Variants in SPATA6 observed in about 807,000 individuals in gnomAD.
SPATA6 encodes spermatogenesis-associated protein 6.
A neutral mutation model predicts 65.3 loss-of-function variants in SPATA6; 56 were observed. The observed-to-expected ratio is 0.86, with a 90% confidence interval of 0.69 to 1.07. SPATA6 has a LOEUF of 1.07. Among genes scored for constraint, SPATA6 ranks in the 50% least tolerant of loss-of-function variants. The pLI is 0.00. For missense variants in SPATA6, 590 were observed against 594.8 expected (o/e 0.99, Z 0.08); for synonymous variants, 199 against 213.2 (o/e 0.93, Z 0.58).
At chr1:48,428,922 T>C (rs939919206) in intron 3 of SPATA6, among the ~76,000 whole-genome samples, 4 of 151,740 alleles carry the variant, frequency 2.6e-5, no homozygotes, top group Non-Finnish European at 4.4e-5. Context: ...ATCTATTTAA[T>C]AGATCTATTT....
chr1:48,353,236 A>G (rs1646562208), intron 11 of SPATA6, among the ~76,000 whole-genome samples: 1 of 152,022 alleles, frequency 6.6e-6, no homozygotes, highest in African/African-American at 2.4e-5. Flanking sequence ...AAAAACAGCT[A>G]AATGTTTTCA....
intron 5 of SPATA6, 93 bp from the exon 6 acceptor site, chr1:48,403,975 G>C: frequency 1.2e-6 from 1 of 852,946 alleles, no homozygotes. Context: ...ACAAACACCT[G>C]TCAAAGTTCA....
At chr1:48,418,413 A>C (rs1347927880) in intron 3 of SPATA6, among the ~76,000 whole-genome samples, 1 of 151,906 alleles carries the variant, frequency 6.6e-6, no homozygotes, top group Non-Finnish European at 1.5e-5. Context: ...ATTTCATTAG[A>C]AATCAAATGA....
chr1:48,290,843 AAAGC>A (rs1427074423), downstream of SPATA6, among the ~76,000 whole-genome samples: 2 of 152,212 alleles, frequency 1.3e-5, no homozygotes, highest in Non-Finnish European at 2.9e-5. Flanking sequence ...CCAGATTCAT[AAAGC>A]AAGTCCTTAG....
intron 4 of SPATA6, among the ~76,000 whole-genome samples, chr1:48,411,935 C>T (rs575746102): frequency 6.6e-6 from 1 of 151,880 alleles, no homozygotes; most frequent in Non-Finnish European, 1.5e-5. Context: ...GCCATCTCAG[C>T]TCACTGCAAC....
chr1:48,417,813 G>A (rs1325050374), intron 3 of SPATA6, among the ~76,000 whole-genome samples: 1 of 152,082 alleles, frequency 6.6e-6, no homozygotes, highest in African/African-American at 2.4e-5. Context: ...AACAGACAGA[G>A]CGAGACTCCA....
intron 3 of SPATA6, among the ~76,000 whole-genome samples, chr1:48,428,448 C>T (rs1190264599): frequency 2.0e-5 from 3 of 152,026 alleles, no homozygotes; most frequent in Non-Finnish European, 4.4e-5. Flanking sequence ...AGCGAAACTC[C>T]GTCTCTAATA....
chr1:48,278,274 G>A, the SPATA6 span, among the ~76,000 whole-genome samples: 15 of 152,260 alleles, frequency 9.9e-5, no homozygotes, highest in East Asian at 1.9e-4. Context: ...AAAGCAGAGC[G>A]CCTCTCCTCC....
At chr1:48,267,791 G>A in the SPATA6 span, among the ~76,000 whole-genome samples, 34 of 111,994 alleles carry the variant, frequency 3.0e-4, no homozygotes, top group African/African-American at 1.0e-3. Context: ...ATGGAGTCTC[G>A]CTCTGTGGCC....
chr1:48,350,690 C>T (rs946119602), intron 11 of SPATA6, among the ~76,000 whole-genome samples: 2 of 151,900 alleles, frequency 1.3e-5, no homozygotes, highest in Admixed American at 6.6e-5. Flanking sequence ...ACAGTATTTA[C>T]GTGGGTCTAT....
chr1:48,355,367 C>G (rs145335429), intron 11 of SPATA6: 167 of 201,540 alleles, frequency 8.3e-4, no homozygotes, highest in African/African-American at 3.8e-3. Flanking sequence ...AACAAGAGTT[C>G]TCATATTTTG....
chr1:48,459,262 A>G (rs1657246400), intron 1 of SPATA6, among the ~76,000 whole-genome samples: 1 of 151,682 alleles, frequency 6.6e-6, no homozygotes, highest in African/African-American at 2.4e-5. Flanking sequence ...TTGCAACTTC[A>G]AAAAGATAAA....
the SPATA6 span, among the ~76,000 whole-genome samples, chr1:48,285,433 T>C: frequency 7.1e-6 from 1 of 140,768 alleles, no homozygotes; most frequent in Non-Finnish European, 1.5e-5. Context: ...TCCAGGGGAG[T>C]GAATGGTTGT....
chr1:48,363,951 C>G (rs954326693), intron 9 of SPATA6, among the ~76,000 whole-genome samples: 5 of 152,096 alleles, frequency 3.3e-5, no homozygotes, highest in African/African-American at 4.8e-5. Context: ...TCCCTCCCCC[C>G]TTCCCCCACC....
At chr1:48,262,147 G>C in the SPATA6 span, 1 of 152,102 alleles carries the variant, frequency 6.6e-6, no homozygotes, top group Non-Finnish European at 1.5e-5. Context: ...AAATGTTCAA[G>C]ACATATGTGT....
At chr1:48,368,312 T>A (rs971104288) in intron 9 of SPATA6, among the ~76,000 whole-genome samples, 4 of 152,174 alleles carry the variant, frequency 2.6e-5, no homozygotes, top group African/African-American at 9.7e-5. Flanking sequence ...TGTGGCGTTC[T>A]CTGTATTTCC....
chr1:48,324,318 G>T (rs1645691664), intron 11 of SPATA6, among the ~76,000 whole-genome samples: 1 of 152,118 alleles, frequency 6.6e-6, no homozygotes, highest in African/African-American at 2.4e-5. Flanking sequence ...AAAAATAGAG[G>T]AGGGAGCACT....
chr1:48,294,471 A>C (rs1292891209), downstream of SPATA6, among the ~76,000 whole-genome samples: 1 of 152,174 alleles, frequency 6.6e-6, no homozygotes, highest in Non-Finnish European at 1.5e-5. Flanking sequence ...GAGGTCCAGC[A>C]CTCTCAGGGT....
chr1:48,399,695 C>T (rs190662128), intron 6 of SPATA6, 51 bp from the exon 7 acceptor site: 39 of 1,476,272 alleles, frequency 2.6e-5, no homozygotes, highest in Admixed American at 4.7e-5. Context: ...TTTTAAAATT[C>T]CTGTTGGTGG....
Sources: gnomAD v4.1 joint callset for allele counts (sites outside exome capture counted in the v4.1 genomes callset) on GRCh38, gnomAD v4.1.1 for gene constraint, MANE v1.5 for transcripts, NCBI Gene and HGNC (gene_info 2026-07-23, HGNC 2026-07-21) for gene names.